RARB: variants seen among roughly 807,000 people sequenced by gnomAD.
RARB encodes the protein retinoic acid receptor beta.
Under a neutral mutation model 51.9 loss-of-function variants are expected in RARB, and 17 were observed. The ratio of observed to expected loss-of-function variants is 0.33; its 90% confidence interval spans 0.22 to 0.49. RARB has a LOEUF of 0.49. Ranked by LOEUF, RARB falls within the 20% of genes least tolerant of loss-of-function variation. The pLI is 0.99. For synonymous variants in RARB, 215 were observed against 195.4 expected, an observed-to-expected ratio of 1.10 and a Z score of -0.84; for missense variants, 369 against 550.8, an observed-to-expected ratio of 0.67 and a Z score of 3.30.
chr3:25,206,195 T>A (rs1701541120), intron 5 of RARB, among the ~76,000 whole-genome samples: 1 of 152,224 alleles, frequency 6.6e-6, no homozygotes, highest in African/African-American at 2.4e-5. Flanking sequence ...TAATAATATT[T>A]CATCTCAAGT....
At chr3:25,465,719 G>T (rs1329014903) in intron 2 of RARB, among the ~76,000 whole-genome samples, 1 of 152,164 alleles carries the variant, frequency 6.6e-6, no homozygotes, top group Non-Finnish European at 1.5e-5. Flanking sequence ...TGTTTAGGGG[G>T]TTTCCAGGTG....
intron 2 of RARB, among the ~76,000 whole-genome samples, chr3:24,905,263 G>T (rs1451860413): frequency 4.6e-5 from 7 of 152,154 alleles, no homozygotes; most frequent in African/African-American, 1.4e-4. Flanking sequence ...TTGTGATATG[G>T]TAGTTTCAAA....
At chr3:24,923,816 T>C (rs192273720) in intron 2 of RARB, among the ~76,000 whole-genome samples, 22 of 152,300 alleles carry the variant, frequency 1.4e-4, no homozygotes, top group Middle Eastern at 6.8e-3. Flanking sequence ...AACTAGAAAT[T>C]CCTGTTCCTA....
intron 5 of RARB, among the ~76,000 whole-genome samples, chr3:25,273,438 T>C (rs1703300251): frequency 6.6e-6 from 1 of 152,116 alleles, no homozygotes; most frequent in South Asian, 2.1e-4. Flanking sequence ...TTATGACGAG[T>C]TTCTACCCTT....
intron 5 of RARB, among the ~76,000 whole-genome samples, chr3:25,256,053 G>T (rs1702856831): frequency 6.6e-6 from 1 of 151,990 alleles, no homozygotes; most frequent in African/African-American, 2.4e-5. Context: ...TTTCTATGTA[G>T]GAATGATGTC....
intron 5 of RARB, among the ~76,000 whole-genome samples, chr3:25,332,298 C>G (rs1303328771): frequency 6.6e-6 from 1 of 152,168 alleles, no homozygotes; most frequent in African/African-American, 2.4e-5. Context: ...CAAACTGAAT[C>G]CAGCAGCACA....
intron 2 of RARB, among the ~76,000 whole-genome samples, chr3:24,951,219 T>C (rs1274204223): frequency 6.6e-6 from 1 of 152,120 alleles, no homozygotes; most frequent in Non-Finnish European, 1.5e-5. Flanking sequence ...GTCATGGTGT[T>C]AGAAGTAGGC....
At chr3:24,899,080 C>T (rs566993991) in intron 2 of RARB, among the ~76,000 whole-genome samples, 56 of 152,314 alleles carry the variant, frequency 3.7e-4, no homozygotes, top group African/African-American at 1.3e-3. Flanking sequence ...TGTAAATTCT[C>T]AGGCCCTGCC....
intron 5 of RARB, among the ~76,000 whole-genome samples, chr3:25,372,218 C>T (rs1012339530): frequency 6.6e-6 from 1 of 152,174 alleles, no homozygotes; most frequent in Admixed American, 6.5e-5. Flanking sequence ...AGCCTTGGCA[C>T]TATTGGCATT....
At chr3:25,233,948 T>C (rs903710888) in intron 5 of RARB, among the ~76,000 whole-genome samples, 7 of 152,062 alleles carry the variant, frequency 4.6e-5, no homozygotes, top group Non-Finnish European at 8.8e-5. Context: ...TGATATATTA[T>C]TCTTTTTACA....
At chr3:25,572,048 C>T (rs1160682927) in intron 4 of RARB, among the ~76,000 whole-genome samples, 1 of 152,174 alleles carries the variant, frequency 6.6e-6, no homozygotes. Flanking sequence ...ATTTCAGGCC[C>T]TGTATTGAGC....
intron 2 of RARB, among the ~76,000 whole-genome samples, chr3:25,028,025 C>A (rs1400485306): frequency 6.6e-6 from 1 of 152,028 alleles, no homozygotes; most frequent in Non-Finnish European, 1.5e-5. Context: ...CATTTCAGAA[C>A]GATCTTGAAA....
At chr3:25,216,032 A>G (rs1048373605) in intron 5 of RARB, among the ~76,000 whole-genome samples, 15 of 152,202 alleles carry the variant, frequency 9.9e-5, no homozygotes, top group African/African-American at 3.6e-4. Flanking sequence ...TCAGAGCCCT[A>G]AACTTAAAAA....
chr3:25,102,519 G>A (rs9857675), intron 3 of RARB, among the ~76,000 whole-genome samples: 195 of 151,410 alleles, frequency 1.3e-3, no homozygotes, highest in African/African-American at 4.6e-3. Flanking sequence ...CAGCCTGGAC[G>A]ACAGAATAAG....
At chr3:25,503,139 A>C (rs1260582813) in intron 3 of RARB, among the ~76,000 whole-genome samples, 1 of 152,154 alleles carries the variant, frequency 6.6e-6, no homozygotes, top group South Asian at 2.1e-4. Context: ...TCCAAATTTT[A>C]GAGCCATTGA....
At chr3:25,234,474 T>C (rs1315653892) in intron 5 of RARB, among the ~76,000 whole-genome samples, 1 of 152,332 alleles carries the variant, frequency 6.6e-6, no homozygotes, top group African/African-American at 2.4e-5. Flanking sequence ...TTTTGTGTTT[T>C]ATTTTTCTCT....
intron 2 of RARB, among the ~76,000 whole-genome samples, chr3:24,925,015 C>A (rs1695288092): frequency 6.6e-6 from 1 of 152,104 alleles, no homozygotes; most frequent in Admixed American, 6.6e-5. Flanking sequence ...CTGTTCCCTG[C>A]CCCTTCACCC....
chr3:25,365,377 A>T (rs775337165), intron 5 of RARB, among the ~76,000 whole-genome samples: 16 of 151,454 alleles, frequency 1.1e-4, no homozygotes, highest in Non-Finnish European at 2.4e-4. Flanking sequence ...CTCTCAAAGT[A>T]CTGGGATTAT....
intron 2 of RARB, among the ~76,000 whole-genome samples, chr3:24,866,815 A>G (rs923305723): frequency 3.3e-5 from 5 of 152,112 alleles, no homozygotes; most frequent in Non-Finnish European, 7.4e-5. Flanking sequence ...TAAAGGGGAG[A>G]GCAGGGTTTT....
Sources: gnomAD v4.1 joint callset for allele counts (sites outside exome capture counted in the v4.1 genomes callset) on GRCh38, gnomAD v4.1.1 for gene constraint, MANE v1.5 for transcripts, NCBI Gene and HGNC (gene_info 2026-07-23, HGNC 2026-07-21) for gene names.